Variants in TAMM41 observed in about 807,000 individuals in gnomAD.
TAMM41 encodes TAM41 mitochondrial translocator assembly and maintenance homolog.
In TAMM41, 36 loss-of-function variants were observed where a neutral mutation model predicts 44.1. The observed-to-expected ratio is 0.82, with a 90% CI of 0.63 to 1.08. The LOEUF (loss-of-function observed/expected upper bound fraction) is 1.08. Ranked by LOEUF, TAMM41 falls within the 50% of genes least tolerant of loss-of-function variation. The probability of loss-of-function intolerance (pLI) is 0.00; values close to 1 mark genes in which losing one functional copy is unlikely to be tolerated. For synonymous variants in TAMM41, 164 were observed against 153.1 expected (o/e 1.07, Z -0.53); for missense variants, 417 against 404.3 (o/e 1.03, Z -0.27).
intron 1 of TAMM41, 29 bp from the exon 2 acceptor site, chr3:11,844,240 C>T: frequency 6.2e-7 from 1 of 1,603,600 alleles, no homozygotes; most frequent in Non-Finnish European, 8.5e-7. Flanking sequence ...AGAATAATTT[C>T]AGTATTAATT....
the TAMM41 span, among the ~76,000 whole-genome samples, chr3:11,743,837 C>G: frequency 6.6e-5 from 10 of 152,250 alleles, 1 homozygote; most frequent in South Asian, 2.1e-3. Flanking sequence ...AGTGGAGCCT[C>G]TTCACTTACC....
chr3:11,817,559 G>A (rs1407098660), intron 4 of TAMM41, among the ~76,000 whole-genome samples: 2 of 152,306 alleles, frequency 1.3e-5, no homozygotes, highest in Middle Eastern at 3.4e-3. Flanking sequence ...CTTTATGCCA[G>A]TTAAATTATA....
In TAMM41 at chr3:11,846,673, G is replaced by A. The variant is rs753247489; in HGVS notation, c.-37C>T. The A allele has an allele frequency of 1.1e-5, 18 of 1,613,366 alleles. No individual in the cohort carries two copies. The South Asian group carries it at 1.4e-4, about 13-fold the overall frequency. ...TAACAGGGGACACTCAGCGCAGCAG[G>A]GCGAGGACAACCGGGCGGGGAACAG... On this transcript the variant is annotated 5_prime_UTR_variant, in exon 1 of 8. Coordinates refer to ENST00000455809, the MANE Select transcript of TAMM41 (RefSeq NM_001284401.2).
intron 2 of TAMM41, among the ~76,000 whole-genome samples, chr3:11,840,351 G>A (rs1281901853): frequency 6.6e-6 from 1 of 151,728 alleles, no homozygotes; most frequent in Non-Finnish European, 1.5e-5. Flanking sequence ...TTGCACCTCA[G>A]CCTCCTGAGT....
At chr3:11,834,263 C>G (rs2079090655) in intron 3 of TAMM41, among the ~76,000 whole-genome samples, 1 of 151,972 alleles carries the variant, frequency 6.6e-6, no homozygotes, top group Admixed American at 6.6e-5. Flanking sequence ...TAAAATAAAG[C>G]TACATTACTA....
At chr3:11,791,341 G>A (rs2077473267) in intron 7 of TAMM41, among the ~76,000 whole-genome samples, 1 of 152,208 alleles carries the variant, frequency 6.6e-6, no homozygotes, top group African/African-American at 2.4e-5. Flanking sequence ...TCAGGAGTGT[G>A]TGATGAAACT....
the TAMM41 span, among the ~76,000 whole-genome samples, chr3:11,743,506 G>A: frequency 6.6e-6 from 1 of 151,770 alleles, no homozygotes; most frequent in South Asian, 2.1e-4. Flanking sequence ...GTCAATTTTT[G>A]TATTTTTAGC....
intron 1 of TAMM41, among the ~76,000 whole-genome samples, chr3:11,845,575 G>A (rs373193): frequency 0.41 from 62,407 of 151,698 alleles, 13,136 homozygotes; most frequent in Middle Eastern, 0.57. Context: ...AGGTAAATTC[G>A]GGAAAAATAA....
rs559598428 is a variant in TAMM41, at chr3:11,846,357, G to A, written c.135+145C>T. On this transcript the variant is annotated intron_variant, in intron 1 of 7. Coordinates refer to ENST00000455809, the MANE Select transcript of TAMM41 (RefSeq NM_001284401.2). ...TTCAACTCGCGCTGTCGTTATACTA[G>A]GAAGGCAGGCCTATGGTTCACTCTG... is the stretch of plus-strand genomic sequence containing the variant. 18 of 962,838 alleles carry A rather than the reference G, an allele frequency of 1.9e-5. No individual in the cohort carries two copies. In the South Asian group the frequency reaches 2.5e-4, roughly 14 times the overall value. The allele number at this position is 962,838 out of a possible 1,614,324, so 59.6% of individuals were successfully genotyped here.
the TAMM41 span, among the ~76,000 whole-genome samples, chr3:11,759,996 A>C: frequency 4.6e-4 from 70 of 152,180 alleles, no homozygotes; most frequent in Non-Finnish European, 8.4e-4. Context: ...AAAAAGAAGA[A>C]GAAGAAGAAG....
chr3:11,818,957 G>A (rs888761204), intron 4 of TAMM41, among the ~76,000 whole-genome samples: 1 of 151,960 alleles, frequency 6.6e-6, no homozygotes, highest in Non-Finnish European at 1.5e-5. Context: ...TGTACAGGGG[G>A]TCTGACTGTT....
downstream of TAMM41, among the ~76,000 whole-genome samples, chr3:11,787,155 G>C (rs1389080753): frequency 6.6e-6 from 1 of 152,176 alleles, no homozygotes; most frequent in Non-Finnish European, 1.5e-5. Context: ...CAAGTGTCCT[G>C]AGAGAGAGCC....
the TAMM41 span, among the ~76,000 whole-genome samples, chr3:11,765,279 C>T: frequency 9.9e-5 from 15 of 152,272 alleles, no homozygotes; most frequent in East Asian, 2.3e-3. Context: ...TACCCGTCAC[C>T]GCCATCCTCG....
intron 3 of TAMM41, 161 bp from the exon 4 acceptor site, chr3:11,830,025 G>A: frequency 1.6e-6 from 1 of 609,128 alleles, no homozygotes; most frequent in Non-Finnish European, 2.8e-6. Context: ...AGTAATCCCA[G>A]AATCTCCTTG....
the TAMM41 span, among the ~76,000 whole-genome samples, chr3:11,728,878 G>A: frequency 1.3e-4 from 20 of 152,064 alleles, no homozygotes; most frequent in Non-Finnish European, 2.5e-4. Flanking sequence ...TGTGATGGCA[G>A]GTGCCTGTGA....
intron 3 of TAMM41, among the ~76,000 whole-genome samples, chr3:11,830,520 G>GA (rs920201743): frequency 2.6e-5 from 4 of 152,110 alleles, no homozygotes; most frequent in African/African-American, 9.7e-5. Flanking sequence ...CGCTCAGAAA[G>GA]AATTTTTCTC....
chr3:11,738,784 C>T, the TAMM41 span, among the ~76,000 whole-genome samples: 36 of 152,318 alleles, frequency 2.4e-4, no homozygotes, highest in African/African-American at 7.9e-4. Flanking sequence ...ATGGCAGAAA[C>T]GCAAATGCAG....
At chr3:11,738,551 TG>T in the TAMM41 span, among the ~76,000 whole-genome samples, 1 of 152,188 alleles carries the variant, frequency 6.6e-6, no homozygotes, top group Admixed American at 6.5e-5. Flanking sequence ...CTCTAAGCCC[TG>T]GCCCTTAGGA....
chr3:11,793,246 C>T (rs1213062865), intron 7 of TAMM41, among the ~76,000 whole-genome samples: 1 of 151,872 alleles, frequency 6.6e-6, no homozygotes, highest in South Asian at 2.1e-4. Context: ...AGAGCATATC[C>T]AAATAAACAA....
Sources: allele counts gnomAD v4.1 joint callset (sites outside exome capture counted in the v4.1 genomes callset), GRCh38; gene constraint gnomAD v4.1.1; transcripts MANE v1.5; gene names NCBI Gene and HGNC (gene_info 2026-07-23, HGNC 2026-07-21).